Variants in COBLL1 observed in about 807,000 individuals in gnomAD.
COBLL1 encodes cordon-bleu WH2 repeat protein like 1.
Under a neutral mutation model 94.8 loss-of-function variants are expected in COBLL1, and 50 were observed. The observed-to-expected ratio is 0.53, with a 90% CI of 0.42 to 0.67. COBLL1 has a LOEUF of 0.67. COBLL1 is among the 30% of genes least tolerant of loss of function. COBLL1 has a pLI of 0.00. For missense variants in COBLL1, 1,362 were observed against 1,348.7 expected (o/e 1.01, Z -0.15); for synonymous variants, 448 against 473.8 (o/e 0.95, Z 0.71).
At chr2:164,787,958 C>G (rs1476587078) in intron 2 of COBLL1, among the ~76,000 whole-genome samples, 1 of 152,168 alleles carries the variant, frequency 6.6e-6, no homozygotes, top group East Asian at 1.9e-4. Context: ...GTGGGAAGCT[C>G]TTTATATTGA....
At chr2:164,773,115 G>A (rs1280535413) in intron 2 of COBLL1, among the ~76,000 whole-genome samples, 3 of 94,574 alleles carry the variant, frequency 3.2e-5, no homozygotes, top group Admixed American at 1.8e-4. Context: ...TGCCAGGATC[G>A]TACAGGGGAA....
intron 7 of COBLL1, among the ~76,000 whole-genome samples, chr2:164,715,480 C>T (rs546817541): frequency 6.6e-6 from 1 of 152,076 alleles, no homozygotes; most frequent in South Asian, 2.1e-4. Context: ...CAAATACATA[C>T]TCTATTACAA....
intron 2 of COBLL1, among the ~76,000 whole-genome samples, chr2:164,803,239 T>C (rs959747618): frequency 2.6e-5 from 4 of 152,214 alleles, no homozygotes; most frequent in South Asian, 2.1e-4. Flanking sequence ...TAATATGTGA[T>C]ATCTTTAAAA....
At chr2:164,828,379 C>G (rs2105376062) in intron 2 of COBLL1, among the ~76,000 whole-genome samples, 1 of 152,202 alleles carries the variant, frequency 6.6e-6, no homozygotes, top group South Asian at 2.1e-4. Flanking sequence ...AAAATGACAA[C>G]TCAATAGCAA....
At chr2:164,803,010 A>G (rs1683890561) in intron 2 of COBLL1, among the ~76,000 whole-genome samples, 1 of 152,194 alleles carries the variant, frequency 6.6e-6, no homozygotes, top group Non-Finnish European at 1.5e-5. Context: ...ATAGATTGCA[A>G]TATATAGATT....
chr2:164,818,212 A>G (rs534140978), intron 2 of COBLL1, among the ~76,000 whole-genome samples: 7 of 150,508 alleles, frequency 4.7e-5, no homozygotes, highest in South Asian at 2.2e-4. Context: ...ATATGTGTGT[A>G]TATATACATA....
intron 2 of COBLL1, among the ~76,000 whole-genome samples, chr2:164,790,925 C>T (rs1035183202): frequency 3.3e-5 from 5 of 152,170 alleles, no homozygotes; most frequent in African/African-American, 1.2e-4. Flanking sequence ...CAATCCGTTG[C>T]ACACTTCTGC....
At chr2:164,785,220 C>T (rs979131174) in intron 2 of COBLL1, among the ~76,000 whole-genome samples, 6 of 152,134 alleles carry the variant, frequency 3.9e-5, no homozygotes, top group African/African-American at 1.4e-4. Context: ...GAAATCCCAT[C>T]TTTACTAAAA....
intron 7 of COBLL1, among the ~76,000 whole-genome samples, chr2:164,720,274 T>G (rs1685377377): frequency 1.2e-5 from 1 of 85,358 alleles, no homozygotes; most frequent in South Asian, 2.9e-4. Flanking sequence ...AAAGGCAACA[T>G]ACTAAAAAAA....
Position 164,805,058 on chromosome 2 carries a change from C to A in COBLL1, c.41+36098G>T, listed in dbSNP as rs532655911. ...TGATCTAGAAGACAAATGATGATGG[C>A]CTCAAGTGGCTAAGGGAAAAGATGC... On this transcript the variant is annotated intron_variant, in intron 2 of 13. Transcript: ENST00000652658. 5.9e-5 allele frequency among the ~76,000 whole-genome samples: 9 copies of A among 151,818 alleles called. No homozygotes were observed. In the South Asian group the frequency reaches 1.7e-3, roughly 28 times the overall value.
chr2:164,728,713 A>C (rs1403774127), intron 4 of COBLL1, among the ~76,000 whole-genome samples: 1 of 152,028 alleles, frequency 6.6e-6, no homozygotes, highest in East Asian at 1.9e-4. Flanking sequence ...CCTGGCACAT[A>C]GTCATTTATC....
chr2:164,817,217 G>C (rs995992858), intron 2 of COBLL1, among the ~76,000 whole-genome samples: 2 of 152,066 alleles, frequency 1.3e-5, no homozygotes, highest in African/African-American at 4.8e-5. Context: ...AACAACTTTG[G>C]AACCCACAGT....
Position 164,685,883 on chromosome 2 carries a change from G to T in COBLL1, c.*63C>A. On this transcript the variant is annotated 3_prime_UTR_variant, in exon 14 of 14. Transcript: ENST00000652658. ...CATCTGAATATACATTTGCCAAAAT[G>T]TTCCATTAGTATGAAGTTGGTCTGA... is the stretch of plus-strand genomic sequence containing the variant. 1 of 877,244 alleles carries T rather than the reference G, an allele frequency of 1.1e-6. No homozygotes were observed. The highest frequency in any genetic ancestry group is 1.8e-6 in the Non-Finnish European group (1 of 543,242). The allele number at this position is 877,244 out of a possible 1,614,324, so 54.3% of individuals were successfully genotyped here.
Position 164,694,321 on chromosome 2 carries a change from G to A in COBLL1, c.3071C>T (p.Thr1024Ile). ...GTCCACAAATTTATTTACAGAATGA[G>A]TCTTCCCTTCCTCTGTGTTGGCTGG... ...QPPANTEEGK[T>I]HSVNKFVDIP... The change falls in exon 12 of 14, where the codon ACT becomes ATT. Residue 1024 changes from threonine to isoleucine, a missense_variant. Physicochemically the swap from Thr to Ile is moderately conservative, Grantham distance 89 (BLOSUM62 -1). Transcript: ENST00000652658. 1 of 1,613,908 alleles carries A rather than the reference G, an allele frequency of 6.2e-7. No individual in the cohort carries two copies. Among genetic ancestry groups the A allele is most frequent in the Non-Finnish European group, 8.5e-7 (1 of 1,179,876 alleles).
chr2:164,804,437 CTG>C (rs1683986076), intron 2 of COBLL1, among the ~76,000 whole-genome samples: 2 of 151,980 alleles, frequency 1.3e-5, no homozygotes, highest in African/African-American at 4.8e-5. Flanking sequence ...TATGAAATGT[CTG>C]TTTCATATTA....
At chr2:164,833,106 C>T (rs1683152430) in intron 2 of COBLL1, among the ~76,000 whole-genome samples, 1 of 151,954 alleles carries the variant, frequency 6.6e-6, no homozygotes, top group Admixed American at 6.6e-5. Flanking sequence ...TGCCTGTAAT[C>T]CCAGCACTTT....
intron 11 of COBLL1, among the ~76,000 whole-genome samples, chr2:164,698,867 G>A (rs771331314): frequency 1.3e-5 from 2 of 151,908 alleles, no homozygotes; most frequent in African/African-American, 2.4e-5. Context: ...TTATGATATA[G>A]AAATAAGCAA....
chr2:164,666,459 A>G (rs1163638343), intron 1 of COBLL1, among the ~76,000 whole-genome samples: 1 of 152,218 alleles, frequency 6.6e-6, no homozygotes, highest in Non-Finnish European at 1.5e-5. Flanking sequence ...CTGCTGATAA[A>G]TCAAGATGGT....
intron 2 of COBLL1, among the ~76,000 whole-genome samples, chr2:164,753,832 C>T (rs943642592): frequency 3.0e-4 from 45 of 150,840 alleles, no homozygotes; most frequent in African/African-American, 1.1e-3. Flanking sequence ...ACCTCAGCCT[C>T]TTGGGTTCAA....
Sources: allele counts gnomAD v4.1 joint callset (sites outside exome capture counted in the v4.1 genomes callset), GRCh38; gene constraint gnomAD v4.1.1; transcripts MANE v1.5; gene names NCBI Gene and HGNC (gene_info 2026-07-23, HGNC 2026-07-21).